GBE1: variants seen among roughly 807,000 people sequenced by gnomAD.
GBE1 encodes 1,4-alpha-glucan-branching enzyme.
Under a neutral mutation model 88.8 loss-of-function variants are expected in GBE1, and 70 were observed. That is an observed-to-expected ratio of 0.79 (90% CI 0.65 to 0.96). GBE1 has a LOEUF of 0.96. Among genes scored for constraint, GBE1 ranks in the 40% least tolerant of loss-of-function variants. The probability of loss-of-function intolerance (pLI) is 0.00; values close to 1 mark genes in which losing one functional copy is unlikely to be tolerated. For synonymous variants in GBE1, 284 were observed against 300.1 expected (o/e 0.95, Z 0.56); for missense variants, 872 against 871.0 (o/e 1.00, Z -0.01).
chr3:81,607,747 C>T (rs944216222), intron 7 of GBE1, among the ~76,000 whole-genome samples: 28 of 152,190 alleles, frequency 1.8e-4, no homozygotes, highest in Middle Eastern at 3.4e-3. Flanking sequence ...TGACCTTAGT[C>T]AAGTCTAAAA....
intron 14 of GBE1, among the ~76,000 whole-genome samples, chr3:81,523,637 T>TC (rs1383531486): frequency 6.6e-6 from 1 of 151,682 alleles, no homozygotes; most frequent in African/African-American, 2.4e-5. Context: ...CATTTCCCTC[T>TC]CACTACCCCA....
At chr3:81,493,473 C>T (rs1401840849) in intron 15 of GBE1, among the ~76,000 whole-genome samples, 1 of 151,648 alleles carries the variant, frequency 6.6e-6, no homozygotes, top group Non-Finnish European at 1.5e-5. Flanking sequence ...AATTTAGAAC[C>T]AGTCTTACTC....
At chr3:81,726,297 C>A (rs1032106408) in intron 1 of GBE1, among the ~76,000 whole-genome samples, 1 of 151,836 alleles carries the variant, frequency 6.6e-6, no homozygotes, top group Non-Finnish European at 1.5e-5. Context: ...AAGATGAGTA[C>A]GTCATGCTTC....
At chr3:81,690,378 A>C (rs1705504197) in intron 2 of GBE1, among the ~76,000 whole-genome samples, 1 of 152,228 alleles carries the variant, frequency 6.6e-6, no homozygotes, top group Admixed American at 6.5e-5. Context: ...ACCAAATAAG[A>C]CAGGAAGCAC....
chr3:81,550,168 A>C (rs1703253457), intron 12 of GBE1, among the ~76,000 whole-genome samples: 1 of 151,352 alleles, frequency 6.6e-6, no homozygotes, highest in Non-Finnish European at 1.5e-5. Context: ...ATTTTACTTT[A>C]CTCTTTTGGA....
At chr3:81,665,834 C>T (rs1001196165) in intron 3 of GBE1, among the ~76,000 whole-genome samples, 39 of 152,090 alleles carry the variant, frequency 2.6e-4, no homozygotes, top group Non-Finnish European at 4.7e-4. Context: ...AGAAAATGAA[C>T]ATTTTGTTCT....
chr3:81,640,972 A>T (rs997450782), intron 7 of GBE1, among the ~76,000 whole-genome samples: 12 of 152,110 alleles, frequency 7.9e-5, no homozygotes, highest in African/African-American at 2.9e-4. Flanking sequence ...GTTTGTCTCA[A>T]TTTCTGTGAT....
At chr3:81,565,482 C>T (rs1300390746) in intron 12 of GBE1, among the ~76,000 whole-genome samples, 1 of 152,182 alleles carries the variant, frequency 6.6e-6, no homozygotes, top group Non-Finnish European at 1.5e-5. Flanking sequence ...ACATTTTATA[C>T]TGAAGTCTAA....
At chr3:81,567,575 C>T (rs1355829955) in intron 12 of GBE1, among the ~76,000 whole-genome samples, 4 of 152,188 alleles carry the variant, frequency 2.6e-5, no homozygotes, top group Non-Finnish European at 5.9e-5. Flanking sequence ...CCTTATTTGT[C>T]TCATACAAAG....
chr3:81,564,008 C>T (rs1225875465), intron 12 of GBE1, among the ~76,000 whole-genome samples: 2 of 151,874 alleles, frequency 1.3e-5, no homozygotes, highest in Non-Finnish European at 2.9e-5. Flanking sequence ...ATGACAATAT[C>T]CCCTCTAAAA....
chr3:81,508,901 A>C (rs1479803207), intron 14 of GBE1, among the ~76,000 whole-genome samples: 2 of 152,114 alleles, frequency 1.3e-5, no homozygotes, highest in African/African-American at 4.8e-5. Flanking sequence ...CTGGAGGCTC[A>C]GTCTCTCATC....
intron 15 of GBE1, among the ~76,000 whole-genome samples, chr3:81,493,624 C>T (rs1337671341): frequency 6.6e-6 from 1 of 151,712 alleles, no homozygotes; most frequent in Non-Finnish European, 1.5e-5. Context: ...CCTCTGCCTC[C>T]CAGGTTCAAG....
At chr3:81,507,318 A>G (rs1702667777) in intron 14 of GBE1, among the ~76,000 whole-genome samples, 1 of 152,294 alleles carries the variant, frequency 6.6e-6, no homozygotes, top group East Asian at 1.9e-4. Context: ...TAATTCCAGC[A>G]CTTTGGGAGG....
At chr3:81,667,610 G>C (rs1336807379) in intron 3 of GBE1, among the ~76,000 whole-genome samples, 2 of 152,040 alleles carry the variant, frequency 1.3e-5, no homozygotes, top group Admixed American at 1.3e-4. Context: ...ATTATTTCTA[G>C]GTATGGTTTA....
intron 14 of GBE1, among the ~76,000 whole-genome samples, chr3:81,526,102 T>C (rs1309953001): frequency 6.6e-6 from 1 of 152,124 alleles, no homozygotes; most frequent in Non-Finnish European, 1.5e-5. Flanking sequence ...CTTGCTTCTC[T>C]AGTTCTTTTA....
chr3:81,759,471 G>C (rs554989167), intron 1 of GBE1, among the ~76,000 whole-genome samples: 22 of 152,320 alleles, frequency 1.4e-4, no homozygotes, highest in Admixed American at 2.6e-4. Flanking sequence ...TGGAAAATTG[G>C]ACAAGGAACT....
In GBE1 at chr3:81,581,161, T is replaced by C; in HGVS notation, c.1446+4A>G. The C allele has an allele frequency of 4.5e-6, 7 of 1,565,908 alleles. 2 individuals are homozygous for C. The South Asian group carries it at 7.9e-5, about 18-fold the overall frequency. ...TAAATGAATTTATGCACATATTCAT[T>C]TACCTGATCATGGCTCTCTGCATAA... On this transcript the variant is annotated splice_donor_region_variant and intron_variant, in intron 11 of 15. Coordinates refer to ENST00000429644, the MANE Select transcript of GBE1 (RefSeq NM_000158.4).
intron 12 of GBE1, among the ~76,000 whole-genome samples, chr3:81,543,837 A>T (rs1453571611): frequency 6.6e-6 from 1 of 152,138 alleles, no homozygotes; most frequent in African/African-American, 2.4e-5. Flanking sequence ...AAACAATATG[A>T]TCTGAATCAG....
intron 2 of GBE1, among the ~76,000 whole-genome samples, chr3:81,701,186 T>C (rs768685477): frequency 6.6e-5 from 10 of 152,142 alleles, no homozygotes; most frequent in Non-Finnish European, 1.5e-4. Context: ...GAAAGACTTT[T>C]TCAGTGGTAA....
Sources: allele counts gnomAD v4.1 joint callset (sites outside exome capture counted in the v4.1 genomes callset), GRCh38; gene constraint gnomAD v4.1.1; transcripts MANE v1.5; gene names NCBI Gene and HGNC (gene_info 2026-07-23, HGNC 2026-07-21).